Variants in CUBN observed in about 807,000 individuals in gnomAD.
The protein encoded by CUBN is cubilin.
In CUBN, 282 loss-of-function variants were observed where a neutral mutation model predicts 405.3. The ratio of observed to expected loss-of-function variants is 0.70; its 90% confidence interval spans 0.63 to 0.77. CUBN has a LOEUF of 0.77. Among genes scored for constraint, CUBN ranks in the 30% least tolerant of loss-of-function variants. The pLI is 0.00. For missense variants in CUBN, 4,514 were observed against 4,475.2 expected, an observed-to-expected ratio of 1.01 and a Z score of -0.25; for synonymous variants, 1,684 against 1,617.0, an observed-to-expected ratio of 1.04 and a Z score of -0.99.
intron 15 of CUBN, among the ~76,000 whole-genome samples, chr10:17,086,151 A>G (rs1440593585): frequency 9.9e-5 from 15 of 152,018 alleles, no homozygotes; most frequent in Admixed American, 4.6e-4. Context: ...TTTTTAGTAG[A>G]GACAGGGTTT....
intron 59 of CUBN, among the ~76,000 whole-genome samples, chr10:16,864,097 CATT>C (rs1471709593): frequency 1.3e-5 from 2 of 152,092 alleles, no homozygotes; most frequent in African/African-American, 4.8e-5. Context: ...TATTATATCT[CATT>C]ATAAAATATG....
chr10:17,001,684 C>T (rs1367122431), intron 28 of CUBN, among the ~76,000 whole-genome samples: 1 of 152,172 alleles, frequency 6.6e-6, no homozygotes, highest in African/African-American at 2.4e-5. Context: ...AACCAATGCA[C>T]TAAGCGTTTA....
intron 22 of CUBN, among the ~76,000 whole-genome samples, chr10:17,050,433 G>C (rs1449248339): frequency 6.6e-6 from 1 of 152,204 alleles, no homozygotes; most frequent in African/African-American, 2.4e-5. Flanking sequence ...CTGAGCTGAT[G>C]ATGCAAAGAT....
chr10:16,950,151 C>T (rs1267234274), intron 33 of CUBN, 40 bp from the exon 34 acceptor site: 1 of 1,426,616 alleles, frequency 7.0e-7, no homozygotes, highest in Admixed American at 1.8e-5. Flanking sequence ...AAAGTACTGG[C>T]AAATAAAACA....
At chr10:16,971,253 C>T (rs947479948) in intron 31 of CUBN, among the ~76,000 whole-genome samples, 1 of 152,286 alleles carries the variant, frequency 6.6e-6, no homozygotes, top group African/African-American at 2.4e-5. Flanking sequence ...ACTGAGACTG[C>T]AGAGATATTA....
Position 16,900,715 on chromosome 10 carries a change from A to T in CUBN, c.8320T>A (p.Ser2774Thr). ...GTCACGACCAGCTGATTGGAACCTGACTGTATTGTCCTGGGGTTTGAATTT... is the reference window on the plus strand; with the variant it reads ...GTCACGACCAGCTGATTGGAACCTGTCTGTATTGTCCTGGGGTTTGAATTT... The part of the protein sequence containing the change: ...CGNSNPRTIQ[S>T]GSNQLVVTFN... The change falls in exon 53 of 67, where the codon TCA becomes ACA. Residue 2774 changes from serine to threonine, a missense_variant. Ser to Thr is a moderately conservative substitution (Grantham distance 58). Coordinates refer to ENST00000377833, the MANE Select transcript of CUBN (RefSeq NM_001081.4). 6 of 1,614,156 alleles carry T rather than the reference A, an allele frequency of 3.7e-6. No individual in the cohort carries two copies. Among genetic ancestry groups the T allele is most frequent in the Non-Finnish European group, 3.4e-6 (4 of 1,180,016 alleles).
intron 54 of CUBN, among the ~76,000 whole-genome samples, chr10:16,893,808 G>C (rs1034011673): frequency 6.6e-6 from 1 of 152,090 alleles, no homozygotes; most frequent in African/African-American, 2.4e-5. Context: ...TACAAATAAA[G>C]GTGCTATTTA....
chr10:16,984,286 T>A lies in CUBN; in HGVS notation c.4351-7A>T, dbSNP rs766229646. ...AATCGGGGCCTCCATAGATCTAACA[T>A]GGGATGTAGGAAAAAAGACTTTAAA... is the stretch of plus-strand genomic sequence containing the variant. On this transcript the variant is annotated splice_region_variant and splice_polypyrimidine_tract_variant and intron_variant, in intron 29 of 66. Coordinates refer to ENST00000377833, the MANE Select transcript of CUBN (RefSeq NM_001081.4). The A allele has an allele frequency of 1.9e-6, 3 of 1,613,722 alleles. No homozygotes were observed. The South Asian group carries it at 3.3e-5, about 18-fold the overall frequency.
At position 17,121,684 on chromosome 10, in the gene CUBN, CTTA is replaced by C. The variant is rs1171504488; in HGVS notation, c.593+1108_593+1110del. Among the ~76,000 whole-genome samples the C allele has an allele frequency of 4.6e-5, 7 of 151,848 alleles. No individual in the cohort carries two copies. The East Asian group carries it at 1.4e-3, about 29-fold the overall frequency. On this transcript the variant is annotated intron_variant, in intron 6 of 66. Transcript: ENST00000377833. ...AACATTGTGCACATGTACCCTAAAACTTAAAGTATAATAATAATAAAATTTAAA... is the reference window on the plus strand; with the variant it reads ...AACATTGTGCACATGTACCCTAAAACAAGTATAATAATAATAAAATTTAAA...
At chr10:16,897,321 C>A (rs201019581) in intron 54 of CUBN, among the ~76,000 whole-genome samples, 161 of 145,610 alleles carry the variant, frequency 1.1e-3, no homozygotes, top group Middle Eastern at 3.6e-3. Flanking sequence ...TTACCACGTG[C>A]CTTGCACATT....
intron 56 of CUBN, among the ~76,000 whole-genome samples, chr10:16,886,172 G>A (rs953908543): frequency 7.9e-5 from 12 of 152,112 alleles, no homozygotes; most frequent in African/African-American, 2.9e-4. Flanking sequence ...TTTACACTTG[G>A]CATTTTTTTA....
intron 65 of CUBN, among the ~76,000 whole-genome samples, chr10:16,829,949 T>G (rs113430147): frequency 0.18 from 26,740 of 150,416 alleles, 2,490 homozygotes; most frequent in African/African-American, 0.24. Flanking sequence ...TTTGTTTTTT[T>G]TTTTGAGACG....
At chr10:16,997,055 A>G (rs1240836120) in intron 28 of CUBN, among the ~76,000 whole-genome samples, 2 of 152,086 alleles carry the variant, frequency 1.3e-5, no homozygotes, top group African/African-American at 4.8e-5. Flanking sequence ...CTTTTTTTCT[A>G]TAACTTAACA....
At chr10:16,867,821 C>T (rs1840230080) in intron 59 of CUBN, among the ~76,000 whole-genome samples, 1 of 152,114 alleles carries the variant, frequency 6.6e-6, no homozygotes, top group Non-Finnish European at 1.5e-5. Context: ...TTCTTTGTGG[C>T]TTGGAAAGAC....
intron 66 of CUBN, among the ~76,000 whole-genome samples, chr10:16,826,545 A>T (rs1838789599): frequency 6.6e-6 from 1 of 152,212 alleles, no homozygotes; most frequent in African/African-American, 2.4e-5. Context: ...TTTAACATTG[A>T]TAAAGTGTTA....
chr10:16,897,085 A>G (rs931248592), intron 54 of CUBN, among the ~76,000 whole-genome samples: 1 of 152,196 alleles, frequency 6.6e-6, no homozygotes, highest in Non-Finnish European at 1.5e-5. Flanking sequence ...TGATTGTTGA[A>G]GCATGTTAAT....
rs918984461 is a variant in CUBN, at chr10:17,040,932, C to A, written c.4017+101G>T. 18 of 1,102,352 alleles carry A rather than the reference C, an allele frequency of 1.6e-5. No homozygotes were observed. In the East Asian group the frequency reaches 3.8e-4, roughly 23 times the overall value. 68.3% of individuals were successfully genotyped at this position (1,102,352 alleles called of 1,614,324 possible). A position where few individuals can be genotyped will look rare whatever the true frequency, so the allele number is the denominator to read the frequency against. ...GTTGGTGTGTTATAGATGCGTGGGG[C>A]AGAGTTAGGGATTTTATTCTAAAAA... On this transcript the variant is annotated intron_variant, in intron 27 of 66. Coordinates refer to ENST00000377833, the MANE Select transcript of CUBN (RefSeq NM_001081.4).
At chr10:16,945,450 G>A (rs942188210) in intron 36 of CUBN, among the ~76,000 whole-genome samples, 1 of 152,114 alleles carries the variant, frequency 6.6e-6, no homozygotes, top group South Asian at 2.1e-4. Context: ...TTCCCATCCA[G>A]AACGCTGTGC....
chr10:17,068,436 AC>A (rs1191977915), intron 20 of CUBN, among the ~76,000 whole-genome samples, 156 bp from the exon 21 acceptor site: 214 of 151,908 alleles, frequency 1.4e-3, no homozygotes, highest in African/African-American at 4.9e-3. Flanking sequence ...TTAATAAGTA[AC>A]AATTAACTTT....
Sources: allele counts gnomAD v4.1 joint callset (sites outside exome capture counted in the v4.1 genomes callset), GRCh38; gene constraint gnomAD v4.1.1; transcripts MANE v1.5; gene names NCBI Gene and HGNC (gene_info 2026-07-23, HGNC 2026-07-21).